The following GPR137C variants were observed in gnomAD, a reference collection of about 807,000 sequenced individuals.
The protein encoded by GPR137C is G protein-coupled receptor 137C, also known as integral membrane protein GPR137C.
A neutral mutation model predicts 43.4 loss-of-function variants in GPR137C; 27 were observed. The ratio of observed to expected loss-of-function variants is 0.62; its 90% CI spans 0.46 to 0.86. The LOEUF is 0.86. GPR137C is among the 40% of genes least tolerant of loss of function. The pLI is 0.00. For missense variants in GPR137C, 522 were observed against 534.6 expected (o/e 0.98, Z 0.23); for synonymous variants, 285 against 226.9 (o/e 1.26, Z -2.30).
intron 1 of GPR137C, among the ~76,000 whole-genome samples, chr14:52,566,544 T>A (rs973651889): frequency 5.8e-4 from 88 of 152,316 alleles, no homozygotes; most frequent in Middle Eastern, 6.8e-3. Flanking sequence ...GGCATTTTTT[T>A]AAAAAATCTA....
intron 1 of GPR137C, among the ~76,000 whole-genome samples, chr14:52,583,336 C>T (rs2139488922): frequency 6.6e-6 from 1 of 152,266 alleles, no homozygotes; most frequent in East Asian, 1.9e-4. Flanking sequence ...TACTTGGAAT[C>T]TATTAATAGC....
intron 1 of GPR137C, among the ~76,000 whole-genome samples, chr14:52,553,905 C>T (rs570635989): frequency 1.3e-3 from 200 of 152,278 alleles, no homozygotes; most frequent in African/African-American, 4.0e-3. Flanking sequence ...GTTGGTGGCA[C>T]CAACAAAGTG....
intron 3 of GPR137C, among the ~76,000 whole-genome samples, chr14:52,618,222 A>G (rs1487977265): frequency 3.3e-5 from 5 of 152,288 alleles, no homozygotes; most frequent in African/African-American, 1.2e-4. Context: ...GATAGATTAC[A>G]TTTTATCTAC....
rs1425066513 is a variant in GPR137C, at chr14:52,632,130, AC to A, written c.718-29del. 5 of 1,544,970 alleles carry A rather than the reference AC, an allele frequency of 3.2e-6. No homozygotes were observed. In the Admixed American group the frequency reaches 8.5e-5, roughly 26 times the overall value. On this transcript the variant is annotated intron_variant, in intron 3 of 6. Transcript: ENST00000321662. The stretch of plus-strand genomic sequence containing the variant: ...GCTTGTCGTGACAAATGTGTAGAAT[AC>A]TAAAGATGATGATTTTTATTTGTTT...
At chr14:52,577,183 C>CAAAAAAAAAAAAAAAAAAAAAAAAAAA (rs34249999) in intron 1 of GPR137C, among the ~76,000 whole-genome samples, 1 of 41,148 alleles carries the variant, frequency 2.4e-5, no homozygotes, top group Non-Finnish European at 4.1e-5. Flanking sequence ...TAAGACTCCT[C>CAAAAAAAAAAAAAAAAAAAAAAAAAAA]AAAAAAAAAA....
intron 1 of GPR137C, among the ~76,000 whole-genome samples, chr14:52,557,581 T>G (rs923479238): frequency 6.6e-6 from 1 of 152,222 alleles, no homozygotes; most frequent in African/African-American, 2.4e-5. Flanking sequence ...ATCTACTAAA[T>G]TTTTTCACTA....
At chr14:52,594,809 C>T (rs1852407892) in intron 1 of GPR137C, among the ~76,000 whole-genome samples, 1 of 152,058 alleles carries the variant, frequency 6.6e-6, no homozygotes, top group Admixed American at 6.6e-5. Context: ...GGGCATTTAG[C>T]CCATTTACAT....
At chr14:52,593,761 T>G (rs536131478) in intron 1 of GPR137C, among the ~76,000 whole-genome samples, 4 of 146,596 alleles carry the variant, frequency 2.7e-5, no homozygotes, top group South Asian at 2.3e-4. Context: ...CTCTATTTTG[T>G]TGATCTTTCA....
chr14:52,569,516 A>G (rs1350625522), intron 1 of GPR137C, among the ~76,000 whole-genome samples: 2 of 152,064 alleles, frequency 1.3e-5, no homozygotes, highest in Non-Finnish European at 2.9e-5. Context: ...AGCATGTTCT[A>G]ACCCAATGCA....
chr14:52,623,427 A>G (rs1179223026), intron 3 of GPR137C, among the ~76,000 whole-genome samples: 1 of 152,166 alleles, frequency 6.6e-6, no homozygotes, highest in East Asian at 1.9e-4. Flanking sequence ...AGCCTTTAAA[A>G]TGCTTCAGTG....
chr14:52,574,172 G>T (rs572909329), intron 1 of GPR137C, among the ~76,000 whole-genome samples: 1 of 152,224 alleles, frequency 6.6e-6, no homozygotes, highest in East Asian at 1.9e-4. Flanking sequence ...GATTCCTCAA[G>T]GATCTAGACC....
intron 1 of GPR137C, among the ~76,000 whole-genome samples, chr14:52,563,961 T>C (rs2038326140): frequency 6.6e-6 from 1 of 151,994 alleles, no homozygotes; most frequent in Non-Finnish European, 1.5e-5. Flanking sequence ...CCAGAGTTTT[T>C]TGGAACAAAA....
chr14:52,627,236 T>A (rs1340090274), intron 3 of GPR137C, among the ~76,000 whole-genome samples: 3 of 151,780 alleles, frequency 2.0e-5, no homozygotes, highest in Admixed American at 6.6e-5. Context: ...CTACAAAAAA[T>A]TTTAAAATTA....
intron 1 of GPR137C, 32 bp from the exon 2 acceptor site, chr14:52,598,240 T>C (rs538363890): frequency 2.5e-5 from 23 of 937,496 alleles, no homozygotes; most frequent in Non-Finnish European, 3.5e-5. Flanking sequence ...ATTACACGTT[T>C]TCAAAATTTT....
intron 3 of GPR137C, among the ~76,000 whole-genome samples, chr14:52,620,817 G>C (rs947932726): frequency 6.6e-6 from 1 of 151,784 alleles, no homozygotes; most frequent in Non-Finnish European, 1.5e-5. Context: ...CAGCATATTG[G>C]AGATGAAGGA....
intron 1 of GPR137C, among the ~76,000 whole-genome samples, chr14:52,591,768 T>C (rs2139508236): frequency 6.6e-6 from 1 of 152,354 alleles, no homozygotes; most frequent in East Asian, 1.9e-4. Context: ...TCTCCCATTA[T>C]GTAGGTCGCC....
chr14:52,600,381 T>C, intron 3 of GPR137C, 40 bp downstream of exon 3: 1 of 1,060,222 alleles, frequency 9.4e-7, no homozygotes, highest in Non-Finnish European at 1.4e-6. Context: ...AAATCTAATT[T>C]CAAATTCTTA....
intron 3 of GPR137C, chr14:52,611,379 T>C (rs191192989): frequency 6.5e-6 from 1 of 154,596 alleles, no homozygotes; most frequent in East Asian, 1.9e-4. Flanking sequence ...TACCTAGTTA[T>C]GAATAGATAT....
chr14:52,568,444 C>T (rs567244715), intron 1 of GPR137C, among the ~76,000 whole-genome samples: 2 of 152,094 alleles, frequency 1.3e-5, no homozygotes, highest in East Asian at 3.9e-4. Context: ...CCTGGAACAC[C>T]AGCGAAACAA....
Sources: gnomAD v4.1 joint callset for allele counts (sites outside exome capture counted in the v4.1 genomes callset) on GRCh38, gnomAD v4.1.1 for gene constraint, MANE v1.5 for transcripts, NCBI Gene and HGNC (gene_info 2026-07-23, HGNC 2026-07-21) for gene names.